Variants in CTNND2 observed in about 807,000 individuals in gnomAD.
CTNND2 encodes catenin delta-2.
CTNND2 carries 22 observed loss-of-function variants against 144.4 expected under a neutral mutation model. That is an observed-to-expected ratio of 0.15 (90% CI 0.11 to 0.22). The LOEUF (loss-of-function observed/expected upper bound fraction) is 0.22, where lower values mean the gene tolerates loss of function less well. CTNND2 is among the 10% of genes least tolerant of loss of function. The probability of loss-of-function intolerance (pLI) is 1.00; values close to 1 mark genes in which losing one functional copy is unlikely to be tolerated. For synonymous variants in CTNND2, 751 were observed against 695.6 expected (o/e 1.08, Z -1.25); for missense variants, 1,353 against 1,618.8 (o/e 0.84, Z 2.82).
intron 2 of CTNND2, among the ~76,000 whole-genome samples, chr5:11,726,588 A>G (rs915452855): frequency 2.6e-5 from 4 of 152,186 alleles, no homozygotes; most frequent in Non-Finnish European, 5.9e-5. Flanking sequence ...CTAAAACACC[A>G]CATTTTACAT....
In CTNND2 at chr5:11,352,878, A is replaced by G. The variant is rs955096219; in HGVS notation, c.1373-6251T>C. Among the ~76,000 whole-genome samples, 3 of 152,178 alleles carry G rather than the reference A, an allele frequency of 2.0e-5. 1 individual carries two copies. Among genetic ancestry groups the G allele is most frequent in the Non-Finnish European group, 4.4e-5 (3 of 68,012 alleles). ...CAGGTTTCTAGAACTTGGTATAAAAATTAAAAATGTAAATAAGCGAATTAA... is the reference window on the plus strand; with the variant it reads ...CAGGTTTCTAGAACTTGGTATAAAAGTTAAAAATGTAAATAAGCGAATTAA... On this transcript the variant is annotated intron_variant, in intron 8 of 21. Transcript: ENST00000304623.
intron 10 of CTNND2, among the ~76,000 whole-genome samples, chr5:11,235,507 A>G (rs1025174433): frequency 2.0e-5 from 3 of 152,150 alleles, no homozygotes; most frequent in Non-Finnish European, 4.4e-5. Flanking sequence ...ATATTTCTCT[A>G]TATCTAAACT....
chr5:11,326,896 T>C (rs1752591789), intron 9 of CTNND2, among the ~76,000 whole-genome samples: 1 of 152,188 alleles, frequency 6.6e-6, no homozygotes, highest in East Asian at 1.9e-4. Context: ...TTTCGAACAG[T>C]GAACTCTAAG....
At chr5:11,368,318 C>T (rs752928565) in intron 7 of CTNND2, among the ~76,000 whole-genome samples, 16 of 152,196 alleles carry the variant, frequency 1.1e-4, no homozygotes, top group Non-Finnish European at 2.2e-4. Context: ...GCCATCTCTT[C>T]TTCACCACAG....
intron 16 of CTNND2, among the ~76,000 whole-genome samples, chr5:11,074,991 T>G (rs1164811021): frequency 6.7e-6 from 1 of 149,686 alleles, no homozygotes; most frequent in Non-Finnish European, 1.5e-5. Context: ...ATGAAAAGGA[T>G]GATCTAAAGA....
At chr5:11,470,973 TATATATA>T (rs201985006) in intron 3 of CTNND2, among the ~76,000 whole-genome samples, 22 of 95,930 alleles carry the variant, frequency 2.3e-4, no homozygotes, top group African/African-American at 1.1e-3. Flanking sequence ...TATATATATA[TATATATA>T]TTTTTTTTTT....
At chr5:11,840,402 T>C (rs906630795) in intron 1 of CTNND2, among the ~76,000 whole-genome samples, 1 of 152,290 alleles carries the variant, frequency 6.6e-6, no homozygotes, top group Middle Eastern at 3.4e-3. Context: ...TTCTCTCAGG[T>C]TAGTGGCTGA....
At chr5:11,854,013 G>C (rs1322488809) in intron 1 of CTNND2, among the ~76,000 whole-genome samples, 1 of 152,158 alleles carries the variant, frequency 6.6e-6, no homozygotes, top group Non-Finnish European at 1.5e-5. Flanking sequence ...TGGCTCAAAA[G>C]CATCTATGAT....
In CTNND2 at chr5:11,190,411, G is replaced by C. The variant is rs61751807; in HGVS notation, c.1975+9037C>G. Among the ~76,000 whole-genome samples the C allele has an allele frequency of 7.5e-3, 1,146 of 152,334 alleles. 10 individuals carry two copies. The highest frequency in any genetic ancestry group is 0.026 in the African/African-American group (1,067 of 41,564). The stretch of plus-strand genomic sequence containing the variant: ...AAGATGTGCCCTAGTGGCTGGCAGA[G>C]GAGAAGGGAAGCTGCCCTGATCCAA... On this transcript the variant is annotated intron_variant, in intron 11 of 21. Transcript: ENST00000304623.
At chr5:11,188,372 A>G (rs1735870413) in intron 11 of CTNND2, among the ~76,000 whole-genome samples, 1 of 152,198 alleles carries the variant, frequency 6.6e-6, no homozygotes, top group South Asian at 2.1e-4. Flanking sequence ...CAAACACTGC[A>G]TGTTCTCACT....
rs75787370 is a variant in CTNND2 at position 11,029,336 on chromosome 5, T to C, written c.2789-6357A>G. Among the ~76,000 whole-genome samples, 1,200 of 152,360 alleles carry C rather than the reference T, an allele frequency of 7.9e-3. 5 individuals are homozygous for C. The highest frequency in any genetic ancestry group is 0.012 in the Non-Finnish European group (820 of 68,034). ...TTCTAGCGTTTTTCTGTTTTCTATATGCCTTGTAGCTTTTTTGTTTGTCCC... is the reference window on the plus strand; with the variant it reads ...TTCTAGCGTTTTTCTGTTTTCTATACGCCTTGTAGCTTTTTTGTTTGTCCC... On this transcript the variant is annotated intron_variant, in intron 16 of 21. Transcript: ENST00000304623.
chr5:11,641,819 T>C (rs540335508), intron 2 of CTNND2, among the ~76,000 whole-genome samples: 147 of 148,120 alleles, frequency 9.9e-4, no homozygotes, highest in Middle Eastern at 3.5e-3. Context: ...TGTACATACA[T>C]ATACGTATAT....
At chr5:11,675,520 G>A (rs1163329758) in intron 2 of CTNND2, among the ~76,000 whole-genome samples, 1 of 151,972 alleles carries the variant, frequency 6.6e-6, no homozygotes, top group Non-Finnish European at 1.5e-5. Flanking sequence ...CACCACCTCT[G>A]TGTAACCTGA....
At chr5:11,239,536 GCATTTAAATA>G (rs1353945085) in intron 9 of CTNND2, among the ~76,000 whole-genome samples, 1 of 152,126 alleles carries the variant, frequency 6.6e-6, no homozygotes, top group African/African-American at 2.4e-5. Flanking sequence ...CCCACCTGAG[GCATTTAAATA>G]CATTTAAATA....
At chr5:11,244,682 G>C (rs1464052619) in intron 9 of CTNND2, among the ~76,000 whole-genome samples, 2 of 152,116 alleles carry the variant, frequency 1.3e-5, no homozygotes, top group African/African-American at 4.8e-5. Context: ...TAAGCTCAAC[G>C]GTTATACCAT....
chr5:11,357,933 T>C (rs1267200233), intron 8 of CTNND2, among the ~76,000 whole-genome samples: 5 of 152,172 alleles, frequency 3.3e-5, no homozygotes. Flanking sequence ...AATCTGCTAA[T>C]GTGTAATTAT....
intron 19 of CTNND2, among the ~76,000 whole-genome samples, chr5:10,990,727 G>T (rs151168872): frequency 1.3e-5 from 2 of 152,250 alleles, no homozygotes; most frequent in East Asian, 3.9e-4. Context: ...GGTAAATCAG[G>T]ATTAAGTTCT....
intron 9 of CTNND2, among the ~76,000 whole-genome samples, chr5:11,317,928 T>C (rs910601271): frequency 2.0e-5 from 3 of 152,158 alleles, no homozygotes; most frequent in Non-Finnish European, 2.9e-5. Flanking sequence ...GGTACTAAAA[T>C]AGTATCTGGA....
At chr5:11,817,412 A>G (rs866792492) in intron 1 of CTNND2, among the ~76,000 whole-genome samples, 15 of 122 alleles carry the variant, frequency 0.12, no homozygotes, top group South Asian at 0.5. Flanking sequence ...GAGAGGAGGG[A>G]GAGAGAGAGA....
Sources: allele counts gnomAD v4.1 joint callset (sites outside exome capture counted in the v4.1 genomes callset), GRCh38; gene constraint gnomAD v4.1.1; transcripts MANE v1.5; gene names NCBI Gene and HGNC (gene_info 2026-07-23, HGNC 2026-07-21).